Variants in EXOC4 observed in about 807,000 individuals in gnomAD.
EXOC4 encodes SEC8-like 1.
A neutral mutation model predicts 107.2 loss-of-function variants in EXOC4; 71 were observed. The ratio of observed to expected loss-of-function variants is 0.66; its 90% CI spans 0.55 to 0.81. The LOEUF (loss-of-function observed/expected upper bound fraction) is 0.81. Among genes scored for constraint, EXOC4 ranks in the 30% least tolerant of loss-of-function variants. The pLI is 0.00. For synonymous variants in EXOC4, 456 were observed against 441.2 expected (o/e 1.03, Z -0.42); for missense variants, 1,108 against 1,189.6 (o/e 0.93, Z 1.01).
chr7:133,567,788 G>A (rs775000791), intron 9 of EXOC4, among the ~76,000 whole-genome samples: 12 of 152,052 alleles, frequency 7.9e-5, no homozygotes, highest in Non-Finnish European at 1.3e-4. Flanking sequence ...CAGAAATATG[G>A]GCCTGAATTT....
chr7:133,676,961 G>GTGTGTGTA (rs1554382539), intron 10 of EXOC4, among the ~76,000 whole-genome samples: 25 of 149,628 alleles, frequency 1.7e-4, no homozygotes, highest in Admixed American at 2.7e-4. Context: ...GTGTGTATGT[G>GTGTGTGTA]TGTGTGTGTG....
At chr7:133,775,902 T>C (rs577935576) in intron 10 of EXOC4, among the ~76,000 whole-genome samples, 55 of 152,308 alleles carry the variant, frequency 3.6e-4, no homozygotes, top group Admixed American at 1.5e-3. Flanking sequence ...CTAGGAGATA[T>C]AAGATTAGGC....
chr7:133,468,836 T>C (rs1013239601), intron 7 of EXOC4, among the ~76,000 whole-genome samples: 2 of 152,216 alleles, frequency 1.3e-5, no homozygotes, highest in African/African-American at 2.4e-5. Context: ...TTTACAGTTA[T>C]CAGCATAAGG....
chr7:133,279,728 A>G (rs1794087264), intron 2 of EXOC4, among the ~76,000 whole-genome samples: 3 of 152,240 alleles, frequency 2.0e-5, no homozygotes, highest in South Asian at 4.2e-4. Context: ...TATGTTACCC[A>G]GGATGGTCTC....
chr7:133,672,895 A>T (rs1793978979), intron 10 of EXOC4, among the ~76,000 whole-genome samples: 1 of 152,224 alleles, frequency 6.6e-6, no homozygotes, highest in Non-Finnish European at 1.5e-5. Flanking sequence ...AATCACTTTT[A>T]AAATGAACAA....
intron 14 of EXOC4, among the ~76,000 whole-genome samples, chr7:133,941,523 A>G (rs563717101): frequency 6.6e-6 from 1 of 152,156 alleles, no homozygotes; most frequent in East Asian, 1.9e-4. Context: ...ATGTTTCTCT[A>G]TCTCCTTTAC....
At chr7:134,030,799 A>G (rs911959888) in intron 17 of EXOC4, among the ~76,000 whole-genome samples, 1 of 151,042 alleles carries the variant, frequency 6.6e-6, no homozygotes, top group African/African-American at 2.4e-5. Context: ...GTCCTTTGTT[A>G]TCGACCCTTT....
At chr7:133,974,922 T>C (rs1008528511) in intron 14 of EXOC4, among the ~76,000 whole-genome samples, 1 of 152,230 alleles carries the variant, frequency 6.6e-6, no homozygotes, top group Non-Finnish European at 1.5e-5. Context: ...GTAATCAACA[T>C]CTTTGCTCTG....
intron 17 of EXOC4, 164 bp downstream of exon 17, chr7:134,007,999 G>T: frequency 1.7e-6 from 1 of 603,668 alleles, no homozygotes; most frequent in Non-Finnish European, 2.7e-6. Flanking sequence ...TAATTCCACA[G>T]AATTCTATTG....
intron 7 of EXOC4, among the ~76,000 whole-genome samples, chr7:133,412,278 G>GTTTTTGTTTTT: frequency 1.4e-5 from 1 of 71,476 alleles, no homozygotes; most frequent in Non-Finnish European, 2.4e-5. Context: ...TCAGAATTCA[G>GTTTTTGTTTTT]TTTTTTTTTT....
In EXOC4 at chr7:133,987,248, C is replaced by T. The variant is rs146262523; in HGVS notation, c.2207-10244C>T. On this transcript the variant is annotated intron_variant, in intron 14 of 17. Coordinates refer to ENST00000253861, the MANE Select transcript of EXOC4 (RefSeq NM_021807.4). ...AGCTGAGGTGAGAAAATCATTTGAC[C>T]CCAAGAGTTTGAGACCAGCGTAGGC... Among the ~76,000 whole-genome samples the T allele has an allele frequency of 3.2e-3, 483 of 152,034 alleles. 1 individual carries two copies. Among genetic ancestry groups the T allele is most frequent in the African/African-American group, 0.011 (467 of 41,450 alleles).
At chr7:133,273,431 T>G (rs1793919884) in intron 1 of EXOC4, among the ~76,000 whole-genome samples, 1 of 152,190 alleles carries the variant, frequency 6.6e-6, no homozygotes, top group African/African-American at 2.4e-5. Context: ...GTAAAGGCTT[T>G]AAATCAAGTC....
Position 133,322,552 on chromosome 7 carries a change from C to T in EXOC4, c.763+5162C>T, listed in dbSNP as rs183296169. 1.2e-4 allele frequency among the ~76,000 whole-genome samples: 18 copies of T among 152,158 alleles called. No homozygotes were observed. The East Asian group carries it at 2.9e-3, about 25-fold the overall frequency. On this transcript the variant is annotated intron_variant, in intron 5 of 17. Transcript: ENST00000253861. ...TAGATGTGTGGTGTTATTTCTGAGG[C>T]TTCTGTTCTGTTCCATTCTTCTGTA...
At chr7:133,615,476 G>C (rs1320768273) in intron 9 of EXOC4, among the ~76,000 whole-genome samples, 1 of 152,112 alleles carries the variant, frequency 6.6e-6, no homozygotes, top group Non-Finnish European at 1.5e-5. Flanking sequence ...TCAACAGTAG[G>C]CTATTAACAG....
chr7:133,265,361 G>A (rs544213354), intron 1 of EXOC4, among the ~76,000 whole-genome samples: 3 of 151,546 alleles, frequency 2.0e-5, no homozygotes, highest in African/African-American at 7.3e-5. Context: ...GGCCAAGATC[G>A]CGCCACTGCA....
chr7:133,872,085 G>A (rs541695859), intron 11 of EXOC4, among the ~76,000 whole-genome samples: 8 of 152,064 alleles, frequency 5.3e-5, no homozygotes, highest in African/African-American at 1.7e-4. Context: ...GACAGTTCTC[G>A]GGAACTAGGA....
At chr7:133,308,852 A>G (rs1185012134) in intron 4 of EXOC4, among the ~76,000 whole-genome samples, 2 of 152,150 alleles carry the variant, frequency 1.3e-5, no homozygotes, top group Non-Finnish European at 1.5e-5. Context: ...TCTTCCCTTC[A>G]TTTTTAATGA....
intron 9 of EXOC4, among the ~76,000 whole-genome samples, chr7:133,611,240 G>T (rs1376781085): frequency 6.6e-6 from 1 of 152,158 alleles, no homozygotes; most frequent in Non-Finnish European, 1.5e-5. Flanking sequence ...CAGAGGTTTT[G>T]TCACTTTAGC....
chr7:133,676,267 G>A (rs943433935), intron 10 of EXOC4, among the ~76,000 whole-genome samples: 2 of 151,564 alleles, frequency 1.3e-5, no homozygotes, highest in South Asian at 2.1e-4. Context: ...TACTTCACCC[G>A]ACAAAGTACA....
Sources: gnomAD v4.1 joint callset for allele counts (sites outside exome capture counted in the v4.1 genomes callset) on GRCh38, gnomAD v4.1.1 for gene constraint, MANE v1.5 for transcripts, NCBI Gene and HGNC (gene_info 2026-07-23, HGNC 2026-07-21) for gene names.